ATRNL1: variants seen among roughly 807,000 people sequenced by gnomAD.
ATRNL1 encodes attractin-like protein 1.
A neutral mutation model predicts 182.7 loss-of-function variants in ATRNL1; 95 were observed. The ratio of observed to expected loss-of-function variants is 0.52; its 90% CI spans 0.44 to 0.62. ATRNL1 has a LOEUF of 0.62. Ranked by LOEUF, ATRNL1 falls within the 20% of genes least tolerant of loss-of-function variation. ATRNL1 has a pLI of 0.00. For missense variants in ATRNL1, 1,471 were observed against 1,679.5 expected, an observed-to-expected ratio of 0.88 and a Z score of 2.17; for synonymous variants, 576 against 568.3, an observed-to-expected ratio of 1.01 and a Z score of -0.19.
intron 26 of ATRNL1, among the ~76,000 whole-genome samples, chr10:115,588,736 T>C (rs782479096): frequency 2.6e-5 from 4 of 152,188 alleles, no homozygotes; most frequent in Admixed American, 6.5e-5. Flanking sequence ...TTTCCCAGTG[T>C]GTACAAGTCT....
intron 10 of ATRNL1, among the ~76,000 whole-genome samples, chr10:115,254,428 T>C (rs1431539224): frequency 6.6e-6 from 1 of 152,234 alleles, no homozygotes; most frequent in Non-Finnish European, 1.5e-5. Context: ...GCTGCATAAA[T>C]GTCTTCTTTT....
chr10:115,327,852 G>T (rs1231944505), intron 18 of ATRNL1, among the ~76,000 whole-genome samples: 2 of 151,520 alleles, frequency 1.3e-5, no homozygotes, highest in Admixed American at 6.6e-5. Flanking sequence ...ACCAAACACC[G>T]CATATTCTCA....
intron 8 of ATRNL1, among the ~76,000 whole-genome samples, chr10:115,201,933 A>T (rs1471163157): frequency 6.6e-6 from 1 of 152,062 alleles, no homozygotes; most frequent in Non-Finnish European, 1.5e-5. Flanking sequence ...GTTCTCCTTG[A>T]AGAGGTCCTT....
intron 19 of ATRNL1, among the ~76,000 whole-genome samples, chr10:115,381,047 T>C (rs1171811269): frequency 6.6e-6 from 1 of 152,196 alleles, no homozygotes; most frequent in Non-Finnish European, 1.5e-5. Flanking sequence ...CCACAAACTC[T>C]TATCATTATC....
intron 26 of ATRNL1, among the ~76,000 whole-genome samples, chr10:115,615,655 G>A (rs782450995): frequency 1.8e-4 from 28 of 152,164 alleles, no homozygotes; most frequent in Non-Finnish European, 2.9e-4. Flanking sequence ...TGCCATACTC[G>A]TGATAGTGAG....
At chr10:115,743,938 A>G (rs1331292080) in intron 27 of ATRNL1, among the ~76,000 whole-genome samples, 1 of 151,792 alleles carries the variant, frequency 6.6e-6, no homozygotes, top group East Asian at 1.9e-4. Flanking sequence ...AGTATATTGT[A>G]CACATCTACA....
intron 28 of ATRNL1, among the ~76,000 whole-genome samples, chr10:115,903,030 C>T (rs1952400474): frequency 1.3e-5 from 2 of 152,166 alleles, no homozygotes; most frequent in Admixed American, 6.5e-5. Context: ...GCCTCTGAAT[C>T]TGTGATCCTC....
At chr10:115,429,166 C>T (rs1846035968) in intron 21 of ATRNL1, among the ~76,000 whole-genome samples, 1 of 151,652 alleles carries the variant, frequency 6.6e-6, no homozygotes, top group Admixed American at 6.6e-5. Flanking sequence ...ATCCTTTTTT[C>T]AGTTTTTGTT....
chr10:115,095,698 T>C (rs2084994084), intron 1 of ATRNL1, among the ~76,000 whole-genome samples: 1 of 152,186 alleles, frequency 6.6e-6, no homozygotes, highest in African/African-American at 2.4e-5. Context: ...TGCTTGTTAG[T>C]TGTTTTTTTT....
chr10:115,306,785 A>G (rs1564897643), intron 17 of ATRNL1, among the ~76,000 whole-genome samples: 1 of 151,702 alleles, frequency 6.6e-6, no homozygotes, highest in Admixed American at 6.6e-5. Flanking sequence ...TCTTTTTATA[A>G]TCCTTTGAGA....
At chr10:115,816,431 C>T (rs1246910729) in intron 27 of ATRNL1, among the ~76,000 whole-genome samples, 3 of 152,032 alleles carry the variant, frequency 2.0e-5, no homozygotes, top group Admixed American at 6.6e-5. Context: ...TGCCAGATAC[C>T]GGGGCACTCA....
intron 27 of ATRNL1, among the ~76,000 whole-genome samples, chr10:115,765,389 C>G (rs1593186225): frequency 6.6e-6 from 1 of 152,126 alleles, no homozygotes; most frequent in South Asian, 2.1e-4. Flanking sequence ...TATCTCATTG[C>G]TGTTTTACTT....
intron 7 of ATRNL1, among the ~76,000 whole-genome samples, chr10:115,166,367 G>A (rs1847040915): frequency 6.6e-6 from 1 of 151,816 alleles, no homozygotes; most frequent in Non-Finnish European, 1.5e-5. Context: ...CTATGAACAT[G>A]TGTGTACAAC....
intron 17 of ATRNL1, among the ~76,000 whole-genome samples, chr10:115,306,520 T>A (rs1853740414): frequency 6.6e-6 from 1 of 150,716 alleles, no homozygotes; most frequent in African/African-American, 2.5e-5. Flanking sequence ...TTAAAATTAA[T>A]TTTTTTTTAC....
At chr10:115,651,004 C>T (rs1188537627) in intron 26 of ATRNL1, among the ~76,000 whole-genome samples, 1 of 152,080 alleles carries the variant, frequency 6.6e-6, no homozygotes, top group Admixed American at 6.6e-5. Flanking sequence ...AGAATATCTA[C>T]ATGTGCTTCA....
chr10:115,848,084 T>C, intron 28 of ATRNL1, 93 bp downstream of exon 28: 1 of 718,266 alleles, frequency 1.4e-6, no homozygotes, highest in Non-Finnish European at 2.4e-6. Context: ...AGTAAGGACC[T>C]TTGCAAGGTT....
At chr10:115,589,636 TCATGATA>T (rs1400482037) in intron 26 of ATRNL1, among the ~76,000 whole-genome samples, 4 of 152,170 alleles carry the variant, frequency 2.6e-5, no homozygotes, top group Non-Finnish European at 5.9e-5. Flanking sequence ...TTGGCCTAGA[TCATGATA>T]CATACTTATG....
intron 26 of ATRNL1, among the ~76,000 whole-genome samples, chr10:115,584,380 A>G (rs28841415): frequency 0.34 from 34,679 of 100,908 alleles, 7,170 homozygotes; most frequent in East Asian, 0.77. Context: ...ATCTGGTCCT[A>G]GACTCTTTTT....
intron 26 of ATRNL1, among the ~76,000 whole-genome samples, chr10:115,614,928 G>A (rs1319647229): frequency 6.6e-6 from 1 of 151,164 alleles, no homozygotes; most frequent in Non-Finnish European, 1.5e-5. Context: ...GGTGAAGTGA[G>A]TTTCTTATAG....
Sources: allele counts gnomAD v4.1 joint callset (sites outside exome capture counted in the v4.1 genomes callset), GRCh38; gene constraint gnomAD v4.1.1; transcripts MANE v1.5; gene names NCBI Gene and HGNC (gene_info 2026-07-23, HGNC 2026-07-21).